Variants in GALNT13 observed in about 807,000 individuals in gnomAD.
The protein encoded by GALNT13 is UDP-GalNAc:polypeptide N-acetylgalactosaminyltransferase 13.
A neutral mutation model predicts 64.2 loss-of-function variants in GALNT13; 28 were observed. That is an observed-to-expected ratio of 0.44 (90% CI 0.32 to 0.60). The LOEUF (loss-of-function observed/expected upper bound fraction) is 0.60. GALNT13 is among the 20% of genes least tolerant of loss of function. The probability of loss-of-function intolerance (pLI) is 0.05; values close to 1 mark genes in which losing one functional copy is unlikely to be tolerated. For synonymous variants in GALNT13, 214 were observed against 224.6 expected, an observed-to-expected ratio of 0.95 and a Z score of 0.42; for missense variants, 577 against 669.8, an observed-to-expected ratio of 0.86 and a Z score of 1.53.
At chr2:154,286,392 T>C (rs1047176500) in intron 8 of GALNT13, among the ~76,000 whole-genome samples, 8 of 152,174 alleles carry the variant, frequency 5.3e-5, no homozygotes, top group East Asian at 1.9e-4. Context: ...TAAAGCGATA[T>C]TGAATTTGTC....
intron 3 of GALNT13, among the ~76,000 whole-genome samples, chr2:153,955,418 G>T (rs1692494891): frequency 6.6e-6 from 1 of 152,182 alleles, no homozygotes; most frequent in Non-Finnish European, 1.5e-5. Context: ...GATAGCAGAA[G>T]AAAGTGAAGT....
chr2:153,183,738 T>A, the GALNT13 span, among the ~76,000 whole-genome samples: 1 of 152,154 alleles, frequency 6.6e-6, no homozygotes, highest in Admixed American at 6.5e-5. Flanking sequence ...CTCTCCCCCA[T>A]TGCTTGTTTT....
the GALNT13 span, among the ~76,000 whole-genome samples, chr2:153,388,893 T>G: frequency 6.6e-6 from 1 of 152,068 alleles, no homozygotes; most frequent in African/African-American, 2.4e-5. Context: ...TGGGGTTGAT[T>G]GATTTAAAAA....
chr2:153,302,096 C>T, the GALNT13 span, among the ~76,000 whole-genome samples: 1 of 151,978 alleles, frequency 6.6e-6, no homozygotes, highest in East Asian at 1.9e-4. Flanking sequence ...ATGGTAGTTA[C>T]GTTATACTTT....
At chr2:153,782,506 A>G in the GALNT13 span, among the ~76,000 whole-genome samples, 4 of 152,194 alleles carry the variant, frequency 2.6e-5, no homozygotes, top group Non-Finnish European at 5.9e-5. Flanking sequence ...TTATAATTGT[A>G]TGGGACCTCT....
the GALNT13 span, among the ~76,000 whole-genome samples, chr2:153,108,796 A>G: frequency 6.6e-6 from 1 of 152,180 alleles, no homozygotes; most frequent in Non-Finnish European, 1.5e-5. Flanking sequence ...CTTGCTAATT[A>G]GCCAAGGGGA....
At chr2:153,696,033 T>C in the GALNT13 span, among the ~76,000 whole-genome samples, 25 of 152,072 alleles carry the variant, frequency 1.6e-4, no homozygotes, top group Admixed American at 4.6e-4. Context: ...GGGGAGTTTA[T>C]TAAGGAGTAT....
At chr2:154,145,144 A>C (rs990778547) in intron 4 of GALNT13, among the ~76,000 whole-genome samples, 5 of 139,242 alleles carry the variant, frequency 3.6e-5, no homozygotes, top group East Asian at 2.1e-4. Context: ...TTTACATATA[A>C]ATTTATATAT....
intron 9 of GALNT13, among the ~76,000 whole-genome samples, chr2:154,388,926 A>C (rs1698646358): frequency 6.6e-6 from 1 of 152,168 alleles, no homozygotes; most frequent in Non-Finnish European, 1.5e-5. Flanking sequence ...CATAGTTTTG[A>C]CTGTTAAAGG....
At chr2:153,956,720 T>A (rs2105416700) in intron 3 of GALNT13, among the ~76,000 whole-genome samples, 1 of 152,294 alleles carries the variant, frequency 6.6e-6, no homozygotes, top group Non-Finnish European at 1.5e-5. Context: ...TAGACAAAAT[T>A]ATTTTTCCCA....
rs145667261 is a variant in GALNT13, at chr2:154,102,149, A to G, written c.143-38188A>G. 5.5e-3 allele frequency among the ~76,000 whole-genome samples: 830 copies of G among 152,288 alleles called. 5 individuals are homozygous for G. Among genetic ancestry groups the G allele is most frequent in the Non-Finnish European group, 9.7e-3 (657 of 68,020 alleles). ...GTAGAATGCTTTATAAATGTCCATT[A>G]ATTAGTTCCATTTGGTCTAAAGTGC... On this transcript the variant is annotated intron_variant, in intron 3 of 12. Coordinates refer to ENST00000392825, the MANE Select transcript of GALNT13 (RefSeq NM_052917.4).
At chr2:153,540,470 G>T in the GALNT13 span, among the ~76,000 whole-genome samples, 1 of 152,226 alleles carries the variant, frequency 6.6e-6, no homozygotes, top group African/African-American at 2.4e-5. Flanking sequence ...CCCACACAGA[G>T]TCCCCACTGG....
chr2:154,029,256 G>A (rs1698186363), intron 3 of GALNT13, among the ~76,000 whole-genome samples: 1 of 149,578 alleles, frequency 6.7e-6, no homozygotes, highest in South Asian at 2.1e-4. Flanking sequence ...CATAGCATAA[G>A]AAGTACAGGA....
chr2:153,794,577 G>A, the GALNT13 span, among the ~76,000 whole-genome samples: 16 of 151,270 alleles, frequency 1.1e-4, no homozygotes, highest in Admixed American at 9.9e-4. Flanking sequence ...CGAGAATGCA[G>A]TGGTGTGATC....
chr2:154,431,187 A>G (rs749379804), intron 11 of GALNT13, among the ~76,000 whole-genome samples: 14 of 152,202 alleles, frequency 9.2e-5, no homozygotes, highest in Non-Finnish European at 1.5e-4. Context: ...CTGTGGCAAG[A>G]TAAAGCAAGT....
At chr2:154,434,453 G>A (rs1421976675) in intron 11 of GALNT13, among the ~76,000 whole-genome samples, 3 of 152,128 alleles carry the variant, frequency 2.0e-5, no homozygotes, top group Non-Finnish European at 4.4e-5. Context: ...TAGAGACGGG[G>A]TTTCACCGTG....
the GALNT13 span, among the ~76,000 whole-genome samples, chr2:153,564,936 C>T: frequency 6.6e-6 from 1 of 152,068 alleles, no homozygotes; most frequent in Non-Finnish European, 1.5e-5. Context: ...GCCTATGGAG[C>T]GGGCCGCATG....
chr2:153,176,629 T>C, the GALNT13 span, among the ~76,000 whole-genome samples: 3 of 151,982 alleles, frequency 2.0e-5, no homozygotes, highest in Non-Finnish European at 4.4e-5. Context: ...CTTCTCTCTG[T>C]CTAATTATCT....
chr2:154,287,237 G>T, intron 8 of GALNT13: 1 of 1,095,238 alleles, frequency 9.1e-7, no homozygotes, highest in East Asian at 2.4e-5. Context: ...GAAGAAGGCA[G>T]CCATCATCTT....
Sources: allele counts gnomAD v4.1 joint callset (sites outside exome capture counted in the v4.1 genomes callset), GRCh38; gene constraint gnomAD v4.1.1; transcripts MANE v1.5; gene names NCBI Gene and HGNC (gene_info 2026-07-23, HGNC 2026-07-21).